SLC4A5: variants seen among roughly 807,000 people sequenced by gnomAD.
The protein encoded by SLC4A5 is electrogenic sodium bicarbonate cotransporter 4.
Under a neutral mutation model 120.4 loss-of-function variants are expected in SLC4A5, and 96 were observed. The observed-to-expected ratio is 0.80, with a 90% CI of 0.68 to 0.94. The LOEUF (loss-of-function observed/expected upper bound fraction) is 0.94. Ranked by LOEUF, SLC4A5 falls within the 40% of genes least tolerant of loss-of-function variation. SLC4A5 has a pLI of 0.00. For missense variants in SLC4A5, 1,259 were observed against 1,459.5 expected (o/e 0.86, Z 2.24); for synonymous variants, 550 against 571.1 (o/e 0.96, Z 0.53).
rs143990565 is a variant in SLC4A5 at position 74,287,668 on chromosome 2, C to T, written c.272-1766G>A. On this transcript the variant is annotated intron_variant, in intron 7 of 30. Coordinates refer to ENST00000394019, the Ensembl canonical transcript of SLC4A5. ...TGTCCCTAACCTTTGCTCCTCTCTT[C>T]AAGCTTCTTGATTCAACTCCTACCC... Among the ~76,000 whole-genome samples, 866 of 152,310 alleles carry T rather than the reference C, an allele frequency of 5.7e-3. 10 individuals are homozygous for T. The highest frequency in any genetic ancestry group is 0.018 in the African/African-American group (754 of 41,562).
intron 8 of SLC4A5, among the ~76,000 whole-genome samples, chr2:74,268,984 G>A (rs1351256835): frequency 6.6e-6 from 1 of 152,224 alleles, no homozygotes; most frequent in East Asian, 1.9e-4. Context: ...ACAGAATGGG[G>A]AGATCTAATT....
At chr2:74,307,818 G>GA in intron 6 of SLC4A5, 1 of 340,298 alleles carries the variant, frequency 2.9e-6, no homozygotes, top group Non-Finnish European at 5.3e-6. Context: ...CCATCCCCAT[G>GA]CCAGGCCCCC....
At chr2:74,337,756 T>A (rs1215027704) in intron 3 of SLC4A5, among the ~76,000 whole-genome samples, 1 of 152,222 alleles carries the variant, frequency 6.6e-6, no homozygotes, top group African/African-American at 2.4e-5. Flanking sequence ...TGAATTTGCA[T>A]CCCGATCTGC....
chr2:74,252,958 C>T lies in SLC4A5; in HGVS notation c.1268+16G>A, dbSNP rs751449883. 9 of 1,614,042 alleles carry T rather than the reference C, an allele frequency of 5.6e-6. No homozygotes were observed. Among genetic ancestry groups the T allele is most frequent in the South Asian group, 4.4e-5 (4 of 91,080 alleles). On this transcript the variant is annotated intron_variant, in intron 15 of 30. Transcript: ENST00000394019. ...AGCCTCCTTTTTCTCTCCCTACTGCCCATTCTCATACACACCTCTTGTCAG... is the reference window on the plus strand; with the variant it reads ...AGCCTCCTTTTTCTCTCCCTACTGCTCATTCTCATACACACCTCTTGTCAG...
At chr2:74,296,616 C>CAAAAA (rs1160532512) in intron 7 of SLC4A5, among the ~76,000 whole-genome samples, 4 of 47,484 alleles carry the variant, frequency 8.4e-5, no homozygotes, top group African/African-American at 7.5e-5. Flanking sequence ...ACTAAAAATA[C>CAAAAA]AAAAAAAAAA....
At chr2:74,338,856 T>C (rs568201178) in exon 3 of SLC4A5, 1 of 152,304 alleles carries the variant, frequency 6.6e-6, no homozygotes, top group Non-Finnish European at 1.5e-5. Context: ...TGGACATACC[T>C]TTTGGTAGCA....
chr2:74,329,705 G>T (rs1040680526), intron 4 of SLC4A5, among the ~76,000 whole-genome samples: 1 of 151,882 alleles, frequency 6.6e-6, no homozygotes, highest in Non-Finnish European at 1.5e-5. Flanking sequence ...GAGAGAGGTG[G>T]TGAGATGTAT....
chr2:74,219,714 A>C (rs1694563998), intron 30 of SLC4A5, among the ~76,000 whole-genome samples: 1 of 152,178 alleles, frequency 6.6e-6, no homozygotes, highest in African/African-American at 2.4e-5. Flanking sequence ...GTAGTCAGTC[A>C]ATTTCATGTA....
chr2:74,241,886 C>T, intron 20 of SLC4A5, 108 bp downstream of exon 20: 1 of 944,254 alleles, frequency 1.1e-6, no homozygotes, highest in Non-Finnish European at 1.6e-6. Context: ...CTGGAGTTGA[C>T]CTCTGCAAGT....
chr2:74,233,444 C>G, exon 23 of SLC4A5: 5 of 1,614,262 alleles, frequency 3.1e-6, no homozygotes, highest in Non-Finnish European at 3.4e-6. Context: ...CGGCAGTGAT[C>G]TGCTGGTCCA....
Position 74,233,371 on chromosome 2 carries a change from G to T in SLC4A5, c.2595+31C>A, listed in dbSNP as rs777583014. 5 of 1,612,040 alleles carry T rather than the reference G, an allele frequency of 3.1e-6. No homozygotes were observed. The African/African-American group carries it at 4.0e-5, about 13-fold the overall frequency. On this transcript the variant is annotated intron_variant, in intron 23 of 30. Coordinates refer to ENST00000394019, the Ensembl canonical transcript of SLC4A5. ...TTTCTGACTTTGTGGGAAGAAAGAG[G>T]TTATGCCTCTGCTCCTAGTACCGGC...
At chr2:74,243,131 T>C (rs1426922365) in intron 19 of SLC4A5, among the ~76,000 whole-genome samples, 1 of 152,234 alleles carries the variant, frequency 6.6e-6, no homozygotes, top group Admixed American at 6.5e-5. Flanking sequence ...TGCTGGGTAC[T>C]TCCCTACCCT....
chr2:74,328,208 T>C lies in SLC4A5; in HGVS notation c.-69-22A>G, dbSNP rs1289898176. On this transcript the variant is annotated intron_variant, in intron 4 of 30. Transcript: ENST00000394019. ...GTTCCTGTTGGGTGGCAAGAAGGGCTCTCTGTGGTTTCCAGGCTGAACAGT... is the reference window on the plus strand; with the variant it reads ...GTTCCTGTTGGGTGGCAAGAAGGGCCCTCTGTGGTTTCCAGGCTGAACAGT... The C allele has an allele frequency of 8.1e-6, 8 of 985,456 alleles. No homozygotes were observed. The African/African-American group carries it at 1.4e-4, about 17-fold the overall frequency. 61.0% of individuals were successfully genotyped at this position (985,456 alleles called of 1,614,324 possible).
chr2:74,297,063 C>T (rs1355838846), intron 7 of SLC4A5, among the ~76,000 whole-genome samples: 1 of 152,112 alleles, frequency 6.6e-6, no homozygotes, highest in African/African-American at 2.4e-5. Context: ...GTGATCCCAG[C>T]GCTGCTCAAT....
At chr2:74,317,340 CA>C in intron 5 of SLC4A5, among the ~76,000 whole-genome samples, 1 of 147,644 alleles carries the variant, frequency 6.8e-6, no homozygotes, top group East Asian at 2.1e-4. Flanking sequence ...AAATAAACAC[CA>C]GGAACAGATA....
intron 8 of SLC4A5, among the ~76,000 whole-genome samples, chr2:74,279,776 T>C (rs1039060795): frequency 3.3e-5 from 5 of 152,236 alleles, no homozygotes; most frequent in Admixed American, 6.5e-5. Context: ...ACATTTGTGT[T>C]TTCTAAGCTG....
chr2:74,292,772 T>C (rs2104208291), intron 7 of SLC4A5, among the ~76,000 whole-genome samples: 1 of 152,236 alleles, frequency 6.6e-6, no homozygotes, highest in Middle Eastern at 3.4e-3. Flanking sequence ...ATTATGGCCA[T>C]CTGGAAGTCA....
At chr2:74,242,188 C>A in intron 19 of SLC4A5, 136 bp from the exon 20 acceptor site, 1 of 681,146 alleles carries the variant, frequency 1.5e-6, no homozygotes, top group Non-Finnish European at 2.4e-6. Context: ...TCCCTCTCCA[C>A]CTTCCTCACT....
At chr2:74,300,571 T>A (rs1029228181) in intron 7 of SLC4A5, among the ~76,000 whole-genome samples, 4 of 152,226 alleles carry the variant, frequency 2.6e-5, no homozygotes, top group African/African-American at 9.6e-5. Flanking sequence ...TTAAGACTCA[T>A]GACAGGTGTC....
Sources: gnomAD v4.1 joint callset for allele counts (sites outside exome capture counted in the v4.1 genomes callset) on GRCh38, gnomAD v4.1.1 for gene constraint, MANE v1.5 for transcripts, NCBI Gene and HGNC (gene_info 2026-07-23, HGNC 2026-07-21) for gene names.